DCAF1: variants seen among roughly 807,000 people sequenced by gnomAD.
The protein encoded by DCAF1 is DDB1 and CUL4 associated factor 1, also known as DDB1- and CUL4-associated factor 1.
DCAF1 carries 15 observed loss-of-function variants against 128.0 expected under a neutral mutation model. That is an observed-to-expected ratio of 0.12 (90% CI 0.08 to 0.18). The LOEUF (loss-of-function observed/expected upper bound fraction) is 0.18, where lower values mean the gene tolerates loss of function less well. Among genes scored for constraint, DCAF1 ranks in the 10% least tolerant of loss-of-function variants. DCAF1 has a pLI of 1.00. For missense variants in DCAF1, 988 were observed against 1,649.5 expected (o/e 0.60, Z 6.95); for synonymous variants, 610 against 603.0 (o/e 1.01, Z -0.17).
rs184850535 is a variant in DCAF1, at chr3:51,421,057, T to C, written c.1973-60A>G. The C allele has an allele frequency of 4.3e-4, 656 of 1,524,630 alleles. 4 individuals carry two copies. The African/African-American group carries it at 8.4e-3, about 19-fold the overall frequency. The allele number at this position is 1,524,630 out of a possible 1,614,324, so 94.4% of individuals were successfully genotyped here. ...AAAACTAATGGCCAACTTCAATAGT[T>C]GTTCCAGAGTCAAAATTTGGTGTTC... On this transcript the variant is annotated intron_variant, in intron 14 of 24. Coordinates refer to ENST00000684031, the MANE Select transcript of DCAF1 (RefSeq NM_001387579.1).
intron 6 of DCAF1, among the ~76,000 whole-genome samples, chr3:51,458,287 T>C (rs554682836): frequency 6.6e-6 from 1 of 152,192 alleles, no homozygotes; most frequent in Admixed American, 6.5e-5. Flanking sequence ...AAACAGACTT[T>C]AAACCAACAA....
intron 4 of DCAF1, among the ~76,000 whole-genome samples, chr3:51,469,837 A>G (rs1704540587): frequency 6.6e-6 from 1 of 151,926 alleles, no homozygotes; most frequent in South Asian, 2.1e-4. Context: ...CTTGGCCAAC[A>G]TGGTGAAACC....
Position 51,420,702 on chromosome 3 carries a change from G to A in DCAF1, c.2268C>T (p.Ala756=), listed in dbSNP as rs782618781. 1.2e-5 allele frequency: 19 copies of A among 1,614,042 alleles called. No homozygotes were observed. The South Asian group carries it at 1.9e-4, about 16-fold the overall frequency. Residue 756 remains alanine (A), a synonymous_variant, in exon 15 of 25, where the codon GCC becomes GCT. Coordinates refer to ENST00000684031, the MANE Select transcript of DCAF1 (RefSeq NM_001387579.1). This position sits in a 1 kb window ranked among gnomAD's most constrained non-coding sequence, Gnocchi z 6.5. ...MPITDADQIR[A]LACKALVGLS... ...GGCCCACTAGGGCTTTGCAGGCCAG[G>A]GCCCGGATTTGGTCTGCATCTGTGA...
intron 3 of DCAF1, among the ~76,000 whole-genome samples, chr3:51,480,001 G>A (rs1299708029): frequency 6.8e-6 from 1 of 148,044 alleles, no homozygotes; most frequent in Non-Finnish European, 1.5e-5. Flanking sequence ...GCAACATAAT[G>A]AAACCCTGTC....
intron 6 of DCAF1, among the ~76,000 whole-genome samples, chr3:51,448,758 G>A (rs1030622161): frequency 2.0e-5 from 3 of 152,024 alleles, no homozygotes; most frequent in Admixed American, 1.3e-4. Flanking sequence ...TTTCAATTAC[G>A]ATTAAGACAA....
Position 51,418,651 on chromosome 3 carries a change from G to A in DCAF1, c.3435+27C>T, listed in dbSNP as rs79226498. 4,335 of 1,584,950 alleles carry A rather than the reference G, an allele frequency of 2.7e-3. 99 individuals are homozygous for A. The East Asian group carries it at 0.048, about 18-fold the overall frequency. The stretch of plus-strand genomic sequence containing the variant: ...ACCAATTCATCTTGGAAGAATGACT[G>A]AGAGCATCCTAGGAAGGAACCCTTA... On this transcript the variant is annotated intron_variant, in intron 16 of 24. Coordinates refer to ENST00000684031, the MANE Select transcript of DCAF1 (RefSeq NM_001387579.1).
At position 51,398,720 on chromosome 3, in the gene DCAF1, G is replaced by A; in HGVS notation, c.*49C>T. 6.4e-7 allele frequency: 1 copy of A among 1,557,740 alleles called. No homozygotes were observed. The highest frequency in any genetic ancestry group is 8.7e-7 in the Non-Finnish European group (1 of 1,151,072). On this transcript the variant is annotated 3_prime_UTR_variant, in exon 25 of 25. Transcript: ENST00000684031. The stretch of plus-strand genomic sequence containing the variant: ...AAGGGAATATGTTCTGAATTCATTT[G>A]ACTCAGTTTCTCGCCTGCCAAGAAT...
rs554015533 is a variant in DCAF1 at position 51,457,258 on chromosome 3, G to A, written c.375+5856C>T. On this transcript the variant is annotated intron_variant, in intron 6 of 24. Transcript: ENST00000684031. The stretch of plus-strand genomic sequence containing the variant: ...TGAAAACCAAGGCACAGAAAGCTAC[G>A]TGACGAATGCAGAAGCCTCAGTAGC... Among the ~76,000 whole-genome samples, 8 of 152,282 alleles carry A rather than the reference G, an allele frequency of 5.3e-5. No homozygotes were observed. In the South Asian group the frequency reaches 6.2e-4, roughly 12 times the overall value.
At chr3:51,465,123 G>T (rs374144783) in intron 5 of DCAF1, among the ~76,000 whole-genome samples, 3 of 152,166 alleles carry the variant, frequency 2.0e-5, no homozygotes, top group African/African-American at 7.2e-5. Flanking sequence ...TTGGCTAAAC[G>T]GTGGTCTAGC....
intron 16 of DCAF1, among the ~76,000 whole-genome samples, chr3:51,418,420 C>T (rs1699093456): frequency 6.6e-6 from 1 of 152,122 alleles, no homozygotes; most frequent in Non-Finnish European, 1.5e-5. Context: ...ATATTAAATC[C>T]TACTGAACTA....
chr3:51,412,765 A>G (rs1553628901), intron 22 of DCAF1, among the ~76,000 whole-genome samples: 1 of 152,144 alleles, frequency 6.6e-6, no homozygotes, highest in African/African-American at 2.4e-5. Context: ...GTGAGTCCAG[A>G]AAAAAAGGAG....
chr3:51,476,629 G>C (rs1344942087), intron 3 of DCAF1, among the ~76,000 whole-genome samples: 1 of 141,438 alleles, frequency 7.1e-6, no homozygotes, highest in Non-Finnish European at 1.5e-5. Context: ...TGTAATCCCA[G>C]CACTTTGGGA....
At chr3:51,484,350 G>A (rs1553654304) in intron 2 of DCAF1, among the ~76,000 whole-genome samples, 1 of 151,974 alleles carries the variant, frequency 6.6e-6, no homozygotes, top group East Asian at 1.9e-4. Context: ...GCAGGTGACT[G>A]TAATCCCAGC....
chr3:51,440,807 G>A (rs1343610225), intron 9 of DCAF1, among the ~76,000 whole-genome samples, 163 bp downstream of exon 9: 1 of 152,014 alleles, frequency 6.6e-6, no homozygotes, highest in Non-Finnish European at 1.5e-5. Context: ...TCGGGAGGCT[G>A]AGGCAGGAGA....
intron 6 of DCAF1, among the ~76,000 whole-genome samples, chr3:51,446,716 T>C (rs1389496647): frequency 1.3e-5 from 2 of 151,904 alleles, no homozygotes; most frequent in Non-Finnish European, 2.9e-5. Flanking sequence ...TCCCAGAACT[T>C]TGGGAGGCCA....
At chr3:51,457,740 G>C (rs1703078986) in intron 6 of DCAF1, among the ~76,000 whole-genome samples, 1 of 152,214 alleles carries the variant, frequency 6.6e-6, no homozygotes, top group Non-Finnish European at 1.5e-5. Flanking sequence ...CAAGCCAGAA[G>C]AGAGTGGGAA....
chr3:51,416,665 A>T, intron 18 of DCAF1, 122 bp downstream of exon 18: 3 of 1,372,246 alleles, frequency 2.2e-6, no homozygotes, highest in Non-Finnish European at 3.0e-6. Flanking sequence ...GATTCTAACT[A>T]GAAGGAATAT....
rs782756660 is a variant in DCAF1 at position 51,430,085 on chromosome 3, G to A, written c.1415C>T (p.Ala472Val). ...ATAGCGGTCAAAGAGCTCCAAGACG[G>A]CCCGAAATGAGAAGCAAATTGAAAA... ...MFFSICFSFR[A>V]VLELFDRYDG... is the part of the protein sequence containing the mutation. The change falls in exon 11 of 25, where the codon GCC becomes GTC. Residue 472 changes from alanine (A) to valine (V), a missense_variant. Coordinates refer to ENST00000684031, the MANE Select transcript of DCAF1 (RefSeq NM_001387579.1). 1.3e-5 allele frequency: 10 copies of A among 780,506 alleles called. No individual in the cohort carries two copies. Among genetic ancestry groups the A allele is most frequent in the South Asian group, 1.2e-4 (9 of 74,602 alleles). 48.3% of individuals were successfully genotyped at this position (780,506 alleles called of 1,614,324 possible).
At chr3:51,433,459 C>T (rs1700552577) in intron 9 of DCAF1, among the ~76,000 whole-genome samples, 195 bp from the exon 10 acceptor site, 3 of 151,802 alleles carry the variant, frequency 2.0e-5, no homozygotes, top group African/African-American at 7.3e-5. Flanking sequence ...TCTTTCCTAA[C>T]ACCAGGAAAT....
Sources: allele counts gnomAD v4.1 joint callset (sites outside exome capture counted in the v4.1 genomes callset), GRCh38; gene constraint gnomAD v4.1.1; non-coding constraint Gnocchi (gnomAD v3.1); transcripts MANE v1.5; gene names NCBI Gene and HGNC (gene_info 2026-07-23, HGNC 2026-07-21).